The following ALDH18A1 variants were observed in gnomAD, a reference collection of about 807,000 sequenced individuals.
ALDH18A1 encodes delta-1-pyrroline-5-carboxylate synthase.
ALDH18A1 carries 44 observed loss-of-function variants against 88.8 expected under a neutral mutation model. The ratio of observed to expected loss-of-function variants is 0.50; its 90% confidence interval spans 0.39 to 0.64. The LOEUF is 0.64. Ranked by LOEUF, ALDH18A1 falls within the 30% of genes least tolerant of loss-of-function variation. The pLI is 0.00. For synonymous variants in ALDH18A1, 331 were observed against 372.1 expected (o/e 0.89, Z 1.27); for missense variants, 782 against 1,009.5 (o/e 0.77, Z 3.05).
At chr10:95,618,239 C>T (rs1411248865) in intron 12 of ALDH18A1, among the ~76,000 whole-genome samples, 1 of 152,134 alleles carries the variant, frequency 6.6e-6, no homozygotes, top group Non-Finnish European at 1.5e-5. Flanking sequence ...CTTGTATTTC[C>T]CAGCATGGCT....
At chr10:95,626,582 T>C (rs2097860712) in intron 10 of ALDH18A1, 121 bp downstream of exon 10, 1 of 912,364 alleles carries the variant, frequency 1.1e-6, no homozygotes, top group African/African-American at 1.6e-5. Flanking sequence ...ATCAGACTTG[T>C]AACTCAGATA....
chr10:95,626,871 C>A, intron 9 of ALDH18A1, 95 bp from the exon 10 acceptor site: 1 of 1,266,072 alleles, frequency 7.9e-7, no homozygotes, highest in South Asian at 1.2e-5. Context: ...TGCACAAGCT[C>A]ATCACGCCCA....
chr10:95,649,786 C>T (rs568592840), intron 2 of ALDH18A1, among the ~76,000 whole-genome samples: 207 of 151,904 alleles, frequency 1.4e-3, no homozygotes, highest in African/African-American at 4.6e-3. Flanking sequence ...GAGGCTGAGG[C>T]AGGAGAATCG....
intron 15 of ALDH18A1, among the ~76,000 whole-genome samples, chr10:95,612,079 C>G (rs1446184791): frequency 6.6e-6 from 1 of 152,148 alleles, no homozygotes; most frequent in African/African-American, 2.4e-5. Context: ...AATAAAGATC[C>G]CAGTTCCTGC....
At chr10:95,620,438 A>G (rs1207524482) in intron 12 of ALDH18A1, among the ~76,000 whole-genome samples, 1 of 152,190 alleles carries the variant, frequency 6.6e-6, no homozygotes, top group African/African-American at 2.4e-5. Flanking sequence ...CTGGGTATAT[A>G]CCCAAAGGAT....
rs1040796626 is a variant in ALDH18A1 at position 95,606,559 on chromosome 10, T to TA, written c.*202dup. The stretch of plus-strand genomic sequence containing the variant: ...ATCGGTAGCAACTATTTTCTTACTT[T>TA]AAAAAAAAAGGGTGAGCTGGGAGCC... On this transcript the variant is annotated 3_prime_UTR_variant, in exon 18 of 18. Coordinates refer to ENST00000371224, the MANE Select transcript of ALDH18A1 (RefSeq NM_002860.4). 1.5e-4 allele frequency: 213 copies of TA among 1,419,838 alleles called. No individual in the cohort carries two copies. The highest frequency in any genetic ancestry group is 3.3e-4 in the African/African-American group (23 of 69,132). The allele number at this position is 1,419,838 out of a possible 1,614,324, so 88.0% of individuals were successfully genotyped here.
At chr10:95,636,784 A>G (rs754436773) in intron 5 of ALDH18A1, among the ~76,000 whole-genome samples, 3 of 152,232 alleles carry the variant, frequency 2.0e-5, no homozygotes, top group Non-Finnish European at 2.9e-5. Context: ...AGCACTTGGA[A>G]TCCTAAGTTA....
intron 3 of ALDH18A1, among the ~76,000 whole-genome samples, chr10:95,640,401 G>A (rs1037630770): frequency 6.6e-6 from 1 of 151,640 alleles, no homozygotes; most frequent in African/African-American, 2.4e-5. Flanking sequence ...AAGTGCAGTG[G>A]TGCGATCTTG....
rs1159034741 is a variant in ALDH18A1, at chr10:95,610,182, CAG to C, written c.2206+13_2206+14del. ...CACAAGGAACTTCTTTCTTCCCAACCAGAGTCTTTCTTACCCAGTCCAAAGCG... is the reference window on the plus strand; with the variant it reads ...CACAAGGAACTTCTTTCTTCCCAACCAGTCTTTCTTACCCAGTCCAAAGCG... On this transcript the variant is annotated intron_variant, in intron 17 of 17. Transcript: ENST00000371224. 2.5e-6 allele frequency: 4 copies of C among 1,612,840 alleles called. No individual in the cohort carries two copies. Among genetic ancestry groups the C allele is most frequent in the African/African-American group, 1.3e-5 (1 of 74,848 alleles).
intron 12 of ALDH18A1, among the ~76,000 whole-genome samples, chr10:95,620,476 T>C (rs1284974792): frequency 6.6e-6 from 1 of 152,210 alleles, no homozygotes; most frequent in African/African-American, 2.4e-5. Flanking sequence ...TAAAGACACA[T>C]GCACACGTAT....
At chr10:95,626,293 T>C (rs2097860310) in intron 10 of ALDH18A1, among the ~76,000 whole-genome samples, 2 of 152,136 alleles carry the variant, frequency 1.3e-5, no homozygotes, top group Admixed American at 6.6e-5. Flanking sequence ...CTTAGACTAA[T>C]TCAAGCCAGA....
intron 3 of ALDH18A1, among the ~76,000 whole-genome samples, chr10:95,641,726 T>G (rs1198964921): frequency 6.6e-6 from 1 of 151,946 alleles, no homozygotes; most frequent in Non-Finnish European, 1.5e-5. Flanking sequence ...GCAGCCTCAA[T>G]CTCCCAGGCT....
intron 5 of ALDH18A1, among the ~76,000 whole-genome samples, 163 bp from the exon 6 acceptor site, chr10:95,633,812 C>CTTTTTTTTT (rs869056809): frequency 3.9e-5 from 4 of 103,274 alleles, no homozygotes; most frequent in Non-Finnish European, 5.6e-5. Flanking sequence ...CTATCCAATT[C>CTTTTTTTTT]TTTTTTTTTT....
chr10:95,638,492 T>C (rs1354456599), intron 3 of ALDH18A1, among the ~76,000 whole-genome samples: 1 of 152,196 alleles, frequency 6.6e-6, no homozygotes, highest in Admixed American at 6.5e-5. Context: ...GAGTGTGTAA[T>C]GCAGAAGGCC....
At chr10:95,654,234 G>C (rs942774230) in intron 1 of ALDH18A1, among the ~76,000 whole-genome samples, 3 of 149,404 alleles carry the variant, frequency 2.0e-5, no homozygotes, top group Non-Finnish European at 4.4e-5. Context: ...GAGCGATCTC[G>C]GCTCACTGCA....
chr10:95,616,813 C>A, intron 12 of ALDH18A1, 199 bp from the exon 13 acceptor site: 1 of 716,272 alleles, frequency 1.4e-6, no homozygotes, highest in Non-Finnish European at 2.3e-6. Context: ...GCACTGAAGC[C>A]CAGAGAGGCT....
intron 2 of ALDH18A1, among the ~76,000 whole-genome samples, chr10:95,650,814 T>TA (rs997727826): frequency 3.4e-4 from 50 of 149,034 alleles, no homozygotes; most frequent in African/African-American, 6.4e-4. Context: ...TTCAATAGTT[T>TA]AAAAAAAAAA....
intron 5 of ALDH18A1, 37 bp from the exon 6 acceptor site, chr10:95,633,686 G>A: frequency 6.2e-7 from 1 of 1,608,406 alleles, no homozygotes. Context: ...GCATGAGGGA[G>A]AAAAACGCTA....
In ALDH18A1 at chr10:95,637,309, C is replaced by G; in HGVS notation, c.431G>C (p.Gly144Ala). Reference sequence around the variant, plus strand: ...CACCATTTCTTTCAGCTGGTTCTGCCCCGAGTGGAGGGCCTGCCGCACGCT... The same window carrying G: ...CACCATTTCTTTCAGCTGGTTCTGCGCCGAGTGGAGGGCCTGCCGCACGCT... ...SQSVRQALHS[G>A]QNQLKEMAIP... Residue 144 changes from glycine (G) to alanine (A), a missense_variant, in exon 4 of 18, where the codon GGG becomes GCG. Gly to Ala is a moderately conservative substitution (Grantham distance 60, BLOSUM62 0). This residue lies in a region of ALDH18A1 where 132 missense variants were observed against 255.5 expected (regional missense o/e 0.52). Coordinates refer to ENST00000371224, the MANE Select transcript of ALDH18A1 (RefSeq NM_002860.4). The G allele has an allele frequency of 6.2e-7, 1 of 1,614,192 alleles. No individual in the cohort carries two copies. The highest frequency in any genetic ancestry group is 8.5e-7 in the Non-Finnish European group (1 of 1,180,044).
Sources: gnomAD v4.1 joint callset for allele counts (sites outside exome capture counted in the v4.1 genomes callset) on GRCh38, gnomAD v4.1.1 for gene constraint, gnomAD v4.1.1 regional missense constraint, MANE v1.5 for transcripts, NCBI Gene and HGNC (gene_info 2026-07-23, HGNC 2026-07-21) for gene names.